The following ATP8A2 variants were observed in gnomAD, a reference collection of about 807,000 sequenced individuals.
ATP8A2 encodes ATPase phospholipid transporting 8A2.
ATP8A2 carries 100 observed loss-of-function variants against 165.6 expected under a neutral mutation model. The ratio of observed to expected loss-of-function variants is 0.60; its 90% confidence interval spans 0.51 to 0.71. The LOEUF (loss-of-function observed/expected upper bound fraction) is 0.71, where lower values mean the gene tolerates loss of function less well. Among genes scored for constraint, ATP8A2 ranks in the 30% least tolerant of loss-of-function variants. ATP8A2 has a pLI of 0.00. For missense variants in ATP8A2, 1,227 were observed against 1,479.5 expected, an observed-to-expected ratio of 0.83 and a Z score of 2.80; for synonymous variants, 543 against 548.8, an observed-to-expected ratio of 0.99 and a Z score of 0.15.
chr13:25,419,141 G>T (rs894674782), intron 1 of ATP8A2, among the ~76,000 whole-genome samples: 3 of 152,186 alleles, frequency 2.0e-5, no homozygotes, highest in Non-Finnish European at 4.4e-5. Context: ...ATATGTGACT[G>T]CTCTGAAGTT....
chr13:25,774,782 C>G, intron 26 of ATP8A2, 67 bp from the exon 27 acceptor site: 1 of 894,406 alleles, frequency 1.1e-6, no homozygotes, highest in Non-Finnish European at 1.8e-6. Flanking sequence ...TTCATAAGGA[C>G]ATTCTGTTTG....
At chr13:25,458,599 G>C (rs903403725) in intron 1 of ATP8A2, among the ~76,000 whole-genome samples, 3 of 152,224 alleles carry the variant, frequency 2.0e-5, no homozygotes, top group African/African-American at 4.8e-5. Context: ...TGGCATGAGG[G>C]AAGTGCATTA....
At chr13:25,391,451 C>T (rs1420325724) in intron 1 of ATP8A2, among the ~76,000 whole-genome samples, 3 of 152,182 alleles carry the variant, frequency 2.0e-5, no homozygotes, top group East Asian at 1.9e-4. Flanking sequence ...CACTGACTCA[C>T]GAACAGGTTA....
chr13:25,556,312 T>C (rs1469933364), intron 13 of ATP8A2, among the ~76,000 whole-genome samples: 1 of 152,244 alleles, frequency 6.6e-6, no homozygotes, highest in Non-Finnish European at 1.5e-5. Flanking sequence ...CCATTCTGAC[T>C]GGTGTGAGAT....
intron 27 of ATP8A2, among the ~76,000 whole-genome samples, chr13:25,803,352 T>A (rs1425208764): frequency 6.6e-6 from 1 of 152,146 alleles, no homozygotes; most frequent in East Asian, 1.9e-4. Context: ...ATCAATTTGT[T>A]GAAACTGAAT....
chr13:26,007,640 A>G (rs1956768958), intron 35 of ATP8A2, among the ~76,000 whole-genome samples: 1 of 152,212 alleles, frequency 6.6e-6, no homozygotes, highest in Admixed American at 6.5e-5. Context: ...ATGTTAGGTG[A>G]AATATAAACA....
In ATP8A2 at chr13:25,559,005, G is replaced by A. The variant is rs769761265; in HGVS notation, c.1296G>A (p.Thr432=). The A allele has an allele frequency of 2.7e-5, 44 of 1,611,976 alleles. No individual in the cohort carries two copies. The highest frequency in any genetic ancestry group is 5.5e-5 in the South Asian group (5 of 90,718). ...VKYLFSDKTG[T]LTCNIMNFKK... The stretch of plus-strand genomic sequence containing the variant: ...ATCTCTTTTCTGACAAGACTGGAAC[G>A]CTTACATGCAATATCATGAACTTTA... The change falls in exon 14 of 37, where the codon ACG becomes ACA. Residue 432 remains threonine, a synonymous_variant. Transcript: ENST00000381655.
chr13:25,842,721 G>A, intron 30 of ATP8A2, among the ~76,000 whole-genome samples: 1 of 147,570 alleles, frequency 6.8e-6, no homozygotes, highest in Admixed American at 6.9e-5. Flanking sequence ...AAGGAAGGAA[G>A]GAAGGGAGGG....
chr13:25,529,746 T>C (rs948464211), intron 2 of ATP8A2, among the ~76,000 whole-genome samples: 4 of 152,178 alleles, frequency 2.6e-5, no homozygotes, highest in Non-Finnish European at 5.9e-5. Flanking sequence ...GCTTATGTTG[T>C]GTGAAAATTA....
At chr13:25,792,508 T>C (rs1204324362) in intron 27 of ATP8A2, among the ~76,000 whole-genome samples, 2 of 152,184 alleles carry the variant, frequency 1.3e-5, no homozygotes, top group Admixed American at 6.5e-5. Context: ...TCACTAAGTA[T>C]GTATTATTTA....
At chr13:25,850,130 A>T (rs1482069013) in intron 30 of ATP8A2, among the ~76,000 whole-genome samples, 1 of 152,170 alleles carries the variant, frequency 6.6e-6, no homozygotes, top group African/African-American at 2.4e-5. Context: ...AGGCAAACTG[A>T]TCTCAGTCTA....
At chr13:25,501,000 T>C (rs966149912) in intron 2 of ATP8A2, among the ~76,000 whole-genome samples, 2 of 152,250 alleles carry the variant, frequency 1.3e-5, no homozygotes, top group African/African-American at 4.8e-5. Context: ...AAAACTAAAC[T>C]TGAATGCCTA....
chr13:25,736,017 A>C (rs1471244502), intron 25 of ATP8A2, among the ~76,000 whole-genome samples: 2 of 152,206 alleles, frequency 1.3e-5, no homozygotes. Flanking sequence ...TCTATGTTGA[A>C]ATGTGTTTAG....
chr13:25,889,078 A>G (rs1335355456), intron 33 of ATP8A2, among the ~76,000 whole-genome samples: 2 of 151,954 alleles, frequency 1.3e-5, no homozygotes, highest in African/African-American at 2.4e-5. Flanking sequence ...TCCTTTATAC[A>G]TTCTCCACAA....
intron 24 of ATP8A2, among the ~76,000 whole-genome samples, chr13:25,590,149 G>T (rs544081293): frequency 6.6e-6 from 1 of 152,300 alleles, no homozygotes; most frequent in Admixed American, 6.5e-5. Flanking sequence ...GTGAGGCCAG[G>T]TGCAGTGGCT....
chr13:25,962,984 A>G (rs1241864060), intron 34 of ATP8A2, among the ~76,000 whole-genome samples: 2 of 152,174 alleles, frequency 1.3e-5, no homozygotes, highest in Non-Finnish European at 2.9e-5. Flanking sequence ...ATTTACCATT[A>G]CTTCCATTTT....
At chr13:25,518,364 T>C (rs1296730457) in intron 2 of ATP8A2, among the ~76,000 whole-genome samples, 1 of 152,196 alleles carries the variant, frequency 6.6e-6, no homozygotes, top group Non-Finnish European at 1.5e-5. Flanking sequence ...GTGGGGACGC[T>C]TAAAGCCTCC....
chr13:25,870,055 G>T (rs1199724968), intron 33 of ATP8A2, among the ~76,000 whole-genome samples: 1 of 152,142 alleles, frequency 6.6e-6, no homozygotes, highest in Non-Finnish European at 1.5e-5. Flanking sequence ...CAGCAGATGG[G>T]GGAGCCAGAA....
intron 1 of ATP8A2, among the ~76,000 whole-genome samples, chr13:25,433,935 A>G (rs1347377822): frequency 6.6e-6 from 1 of 152,170 alleles, no homozygotes; most frequent in Non-Finnish European, 1.5e-5. Context: ...GTACACATGG[A>G]CATAAAGATG....
Sources: gnomAD v4.1 joint callset for allele counts (sites outside exome capture counted in the v4.1 genomes callset) on GRCh38, gnomAD v4.1.1 for gene constraint, MANE v1.5 for transcripts, NCBI Gene and HGNC (gene_info 2026-07-23, HGNC 2026-07-21) for gene names.